CALN1: variants seen among roughly 807,000 people sequenced by gnomAD.
The protein encoded by CALN1 is calneuron 1.
Under a neutral mutation model 30.6 loss-of-function variants are expected in CALN1, and 17 were observed. That is an observed-to-expected ratio of 0.56 (90% CI 0.38 to 0.83). CALN1 has a LOEUF of 0.83. Among genes scored for constraint, CALN1 ranks in the 40% least tolerant of loss-of-function variants. The pLI is 0.00. For missense variants in CALN1, 291 were observed against 354.9 expected (o/e 0.82, Z 1.45); for synonymous variants, 156 against 131.4 (o/e 1.19, Z -1.28).
rs1194468430 is a variant in CALN1 at position 71,781,359 on chromosome 7, C to G, written c.*6416G>C. The G allele has an allele frequency of 6.6e-6, 1 of 152,260 alleles. No individual in the cohort carries two copies. Among genetic ancestry groups the G allele is most frequent in the Non-Finnish European group, 1.5e-5 (1 of 68,112 alleles). The allele number at this position is 152,260 out of a possible 1,614,324, so 9.4% of individuals were successfully genotyped here. ...GGCCTCAGTTTAACAGGTCTGAGAG[C>G]CCTGAGAGAGGCATTCTGGGCTTGA... On this transcript the variant is annotated 3_prime_UTR_variant, in exon 7 of 7. Coordinates refer to ENST00000395275, the MANE Select transcript of CALN1 (RefSeq NM_031468.4).
At chr7:72,370,907 T>G (rs2090463) in intron 2 of CALN1, among the ~76,000 whole-genome samples, 94,980 of 151,578 alleles carry the variant, frequency 0.63, 30,273 homozygotes, top group East Asian at 0.73. Context: ...AATTAGCGGG[T>G]TGTGGTGGCA....
chr7:72,207,736 C>T (rs532031606), intron 3 of CALN1, among the ~76,000 whole-genome samples: 1 of 152,154 alleles, frequency 6.6e-6, no homozygotes, highest in African/African-American at 2.4e-5. Flanking sequence ...AACAGACACA[C>T]AATGCATGTT....
chr7:71,987,002 T>C (rs372058304), intron 5 of CALN1, among the ~76,000 whole-genome samples: 1 of 151,992 alleles, frequency 6.6e-6, no homozygotes, highest in East Asian at 1.9e-4. Flanking sequence ...AGTATACGCC[T>C]GTAATCCCAG....
intron 3 of CALN1, among the ~76,000 whole-genome samples, chr7:72,164,646 C>T (rs976280189): frequency 1.5e-4 from 23 of 152,062 alleles, no homozygotes; most frequent in South Asian, 2.1e-4. Flanking sequence ...TGATGGCAGC[C>T]CAGAAACATG....
intron 5 of CALN1, among the ~76,000 whole-genome samples, chr7:71,963,160 TTTATTA>T (rs939315264): frequency 2.0e-5 from 3 of 152,074 alleles, no homozygotes; most frequent in African/African-American, 2.4e-5. Flanking sequence ...CTTTGTTATT[TTTATTA>T]TTATTATTAT....
intron 4 of CALN1, among the ~76,000 whole-genome samples, chr7:72,053,229 C>CAAAAAAAAAAAAAAAAAAAAAAAAAAAAA: frequency 6.6e-6 from 1 of 152,172 alleles, no homozygotes; most frequent in South Asian, 2.1e-4. Context: ...GACTCTGTCT[C>CAAAAAAAAAAAAAAAAAAAAAAAAAAAAA]AAAAAACAAA....
At chr7:72,421,330 A>T (rs1179047520) in intron 1 of CALN1, among the ~76,000 whole-genome samples, 1 of 152,132 alleles carries the variant, frequency 6.6e-6, no homozygotes, top group Non-Finnish European at 1.5e-5. Context: ...CTATCCTCAC[A>T]GCTTAGCTAT....
At chr7:72,479,172 G>T in the CALN1 span, among the ~76,000 whole-genome samples, 2 of 152,274 alleles carry the variant, frequency 1.3e-5, no homozygotes, top group East Asian at 3.9e-4. Flanking sequence ...GAGCCACTGC[G>T]CCGGGACCAT....
At chr7:72,122,598 T>C (rs938689112) in intron 3 of CALN1, among the ~76,000 whole-genome samples, 1 of 152,054 alleles carries the variant, frequency 6.6e-6, no homozygotes, top group African/African-American at 2.4e-5. Context: ...TGGTGGCACA[T>C]GCCCGAAGTC....
At chr7:72,101,616 G>A (rs943520343) in intron 4 of CALN1, among the ~76,000 whole-genome samples, 1 of 152,132 alleles carries the variant, frequency 6.6e-6, no homozygotes. Flanking sequence ...CTTGGCGGTT[G>A]GCCCTAGGGT....
chr7:72,256,216 T>C (rs1299262080), intron 3 of CALN1, among the ~76,000 whole-genome samples: 1 of 152,130 alleles, frequency 6.6e-6, no homozygotes, highest in Non-Finnish European at 1.5e-5. Context: ...CCCAGCTGTT[T>C]AGGAGGCCTA....
intron 5 of CALN1, among the ~76,000 whole-genome samples, chr7:71,812,819 CT>C (rs1481732364): frequency 6.6e-6 from 1 of 151,886 alleles, no homozygotes; most frequent in Non-Finnish European, 1.5e-5. Context: ...TCACAGCTCA[CT>C]GCAACTTCAA....
At chr7:72,108,582 T>C (rs1056730217) in intron 3 of CALN1, among the ~76,000 whole-genome samples, 2 of 152,250 alleles carry the variant, frequency 1.3e-5, no homozygotes, top group African/African-American at 4.8e-5. Flanking sequence ...CAAATTTCTA[T>C]GTTATCTACT....
chr7:72,191,050 A>C (rs928781572), intron 3 of CALN1, among the ~76,000 whole-genome samples: 1 of 152,238 alleles, frequency 6.6e-6, no homozygotes, highest in East Asian at 1.9e-4. Flanking sequence ...GGCATGAAAA[A>C]TGGCCAAGAC....
chr7:72,161,105 T>C (rs1287310250), intron 3 of CALN1, among the ~76,000 whole-genome samples: 1 of 152,308 alleles, frequency 6.6e-6, no homozygotes, highest in South Asian at 2.1e-4. Flanking sequence ...CAGGTCACCA[T>C]GGCAGGAGCT....
intron 2 of CALN1, among the ~76,000 whole-genome samples, chr7:72,372,349 CTCTG>C: frequency 6.6e-6 from 1 of 152,174 alleles, no homozygotes; most frequent in South Asian, 2.1e-4. Flanking sequence ...TGTTTCTGCC[CTCTG>C]TCTGCTTGGC....
chr7:72,424,361 G>A (rs1051971649), intron 1 of CALN1, among the ~76,000 whole-genome samples: 3 of 152,064 alleles, frequency 2.0e-5, no homozygotes, highest in African/African-American at 7.2e-5. Flanking sequence ...ATAACATCTG[G>A]GGCTTTTACA....
At chr7:71,892,539 C>T (rs1285085163) in intron 5 of CALN1, among the ~76,000 whole-genome samples, 2 of 152,150 alleles carry the variant, frequency 1.3e-5, no homozygotes, top group Admixed American at 6.5e-5. Context: ...TCAGGAGAAT[C>T]GCTTGAGCCT....
intron 3 of CALN1, among the ~76,000 whole-genome samples, chr7:72,154,156 A>G (rs1441258541): frequency 6.6e-6 from 1 of 151,888 alleles, no homozygotes; most frequent in African/African-American, 2.4e-5. Context: ...AATGGCTTCA[A>G]CTCCTAGAAA....
Sources: allele counts gnomAD v4.1 joint callset (sites outside exome capture counted in the v4.1 genomes callset), GRCh38; gene constraint gnomAD v4.1.1; transcripts MANE v1.5; gene names NCBI Gene and HGNC (gene_info 2026-07-23, HGNC 2026-07-21).